The following ZNF451 variants were observed in gnomAD, a reference collection of about 807,000 sequenced individuals.
The protein encoded by ZNF451 is zinc finger protein 451, also known as E3 SUMO-protein ligase ZNF451.
In ZNF451, 80 loss-of-function variants were observed where a neutral mutation model predicts 107.1. The ratio of observed to expected loss-of-function variants is 0.75; its 90% confidence interval spans 0.62 to 0.90. The LOEUF is 0.90. Among genes scored for constraint, ZNF451 ranks in the 40% least tolerant of loss-of-function variants. The pLI, the probability that ZNF451 is intolerant of heterozygous loss-of-function variation, is 0.00. For missense variants in ZNF451, 1,107 were observed against 1,236.2 expected (o/e 0.90, Z 1.57); for synonymous variants, 362 against 406.5 (o/e 0.89, Z 1.32).
In ZNF451 at chr6:57,148,657, A is replaced by G; in HGVS notation, c.2572A>G (p.Lys858Glu). Residue 858 changes from lysine to glutamate, a missense_variant, in exon 10 of 15, where the codon AAA becomes GAA. By Grantham distance (56) the Lys-to-Glu change is moderately conservative (BLOSUM62 1). Around this residue, in one of 5 missense-constraint regions of ZNF451, gnomAD observed 608 missense variants for 649.2 expected, o/e 0.94. Coordinates refer to ENST00000370706, the MANE Select transcript of ZNF451 (RefSeq NM_001031623.3). ...INYSKSLDMEKGVENDLSYQN... is the reference protein window; with the variant it reads ...INYSKSLDMEEGVENDLSYQN... ...CTATTCAAAAAGTTTAGACATGGAG[A>G]AAGGAGTTGAGAATGACCTAAGCTA... 1 of 1,613,062 alleles carries G rather than the reference A, an allele frequency of 6.2e-7. No individual in the cohort carries two copies. The highest frequency in any genetic ancestry group is 8.5e-7 in the Non-Finnish European group (1 of 1,179,574).
At chr6:57,102,253 A>G (rs1829642223) in intron 3 of ZNF451, 1 of 1,375,690 alleles carries the variant, frequency 7.3e-7, no homozygotes, top group South Asian at 2.0e-5. Context: ...AGACTTTTGA[A>G]ATGAAGTATA....
At chr6:57,160,963 G>C (rs946319073) in intron 13 of ZNF451, 121 bp from the exon 14 acceptor site, 2 of 533,402 alleles carry the variant, frequency 3.7e-6, no homozygotes, top group African/African-American at 3.9e-5. Flanking sequence ...TGGGAAAGTA[G>C]TGTAACACTA....
intron 14 of ZNF451, among the ~76,000 whole-genome samples, chr6:57,162,176 G>A (rs536598408): frequency 2.0e-5 from 3 of 152,320 alleles, no homozygotes; most frequent in East Asian, 3.9e-4. Flanking sequence ...AATGTTTATT[G>A]TTGGAGATTA....
chr6:57,163,062 TCA>T, intron 14 of ZNF451, among the ~76,000 whole-genome samples: 1 of 152,188 alleles, frequency 6.6e-6, no homozygotes. Context: ...ATATGGTGGT[TCA>T]CTTAAGTTAA....
chr6:57,141,065 TTAC>T (rs1831731966), intron 7 of ZNF451, among the ~76,000 whole-genome samples: 1 of 152,224 alleles, frequency 6.6e-6, no homozygotes. Context: ...TCTATATTTG[TTAC>T]TACAACAGAT....
rs1181954081 is a variant in ZNF451 at position 57,100,952 on chromosome 6, G to A, written c.186+1811G>A. 1.1e-5 allele frequency: 17 copies of A among 1,550,846 alleles called. No homozygotes were observed. The African/African-American group carries it at 1.6e-4, about 15-fold the overall frequency. ...TCTTCTTCAGCTTCACAGCATGGAC[G>A]GGATGCCATCCTCTATCTCCAGACA... On this transcript the variant is annotated intron_variant, in intron 3 of 14. Coordinates refer to ENST00000370706, the MANE Select transcript of ZNF451 (RefSeq NM_001031623.3).
At chr6:57,118,881 G>A (rs899878050) in intron 3 of ZNF451, among the ~76,000 whole-genome samples, 1 of 152,166 alleles carries the variant, frequency 6.6e-6, no homozygotes, top group Non-Finnish European at 1.5e-5. Flanking sequence ...GCATTGCCCT[G>A]TAACTTGTAA....
intron 3 of ZNF451, chr6:57,107,116 T>G: frequency 1.0e-6 from 1 of 985,422 alleles, no homozygotes; most frequent in Non-Finnish European, 1.2e-6. Flanking sequence ...AAATTTTGTT[T>G]GCTTCCTGTG....
chr6:57,152,078 T>C, intron 11 of ZNF451, 143 bp from the exon 12 acceptor site: 1 of 626,634 alleles, frequency 1.6e-6, no homozygotes, highest in Non-Finnish European at 2.6e-6. Context: ...TTGATGCTTA[T>C]GCTAGGATGG....
intron 3 of ZNF451, among the ~76,000 whole-genome samples, chr6:57,113,964 T>G (rs1214010076): frequency 6.6e-6 from 1 of 152,238 alleles, no homozygotes. Context: ...CAGTTCTGTC[T>G]GGCATTTAGC....
At chr6:57,152,110 A>T in intron 11 of ZNF451, 111 bp from the exon 12 acceptor site, 1 of 924,964 alleles carries the variant, frequency 1.1e-6, no homozygotes. Flanking sequence ...ATTCTGATCT[A>T]GTACTTTGCC....
chr6:57,166,070 C>G (rs750298498), intron 14 of ZNF451, among the ~76,000 whole-genome samples: 9 of 151,978 alleles, frequency 5.9e-5, no homozygotes, highest in Admixed American at 3.9e-4. Context: ...CTCTGTTGCC[C>G]AGGCTGGAGT....
At chr6:57,154,126 C>A in intron 13 of ZNF451, 79 bp downstream of exon 13, 1 of 1,371,970 alleles carries the variant, frequency 7.3e-7, no homozygotes, top group Non-Finnish European at 1.0e-6. Flanking sequence ...AACTGCTGTC[C>A]GCTAGTGAAC....
Position 57,168,822 on chromosome 6 carries a change from G to A in ZNF451, c.*353G>A, listed in dbSNP as rs760847471. The A allele has an allele frequency of 5.0e-6, 1 of 201,278 alleles. No individual in the cohort carries two copies. Among genetic ancestry groups the A allele is most frequent in the Non-Finnish European group, 9.9e-6 (1 of 101,092 alleles). 12.5% of individuals were successfully genotyped at this position (201,278 alleles called of 1,614,324 possible). On this transcript the variant is annotated 3_prime_UTR_variant, in exon 15 of 15. Coordinates refer to ENST00000370706, the MANE Select transcript of ZNF451 (RefSeq NM_001031623.3). Reference sequence around the variant, plus strand: ...TAGCATTAGTTCTTTAATTTTATTTGTACTGTACAAATGATGCTAGTTTAT... The same window carrying A: ...TAGCATTAGTTCTTTAATTTTATTTATACTGTACAAATGATGCTAGTTTAT...
intron 13 of ZNF451, chr6:57,154,365 A>T: frequency 2.2e-6 from 1 of 445,094 alleles, no homozygotes; most frequent in East Asian, 3.5e-5. Context: ...TCAGATCTTC[A>T]CTTTGTTTCT....
intron 3 of ZNF451, chr6:57,104,021 C>T (rs2127942558): frequency 1.0e-6 from 1 of 985,114 alleles, no homozygotes; most frequent in Non-Finnish European, 1.2e-6. Flanking sequence ...TAAACTTGAA[C>T]TAGTCTTAAT....
chr6:57,152,273 G>C lies in ZNF451; in HGVS notation c.2805G>C (p.Leu935=). The change falls in exon 12 of 15, where the codon CTG becomes CTC. Residue 935 remains leucine, a synonymous_variant. Transcript: ENST00000370706. ...TCAACTGTAAGATTTATAACTACCT[G>C]AACAGGATTGGATGCTTCTTCCTTC... is the stretch of plus-strand genomic sequence containing the variant. The part of the protein sequence containing the change: ...PPLNCKIYNY[L]NRIGCFFLHP... 1.1e-5 allele frequency: 17 copies of C among 1,613,934 alleles called. No homozygotes were observed. Among genetic ancestry groups the C allele is most frequent in the Non-Finnish European group, 1.4e-5 (17 of 1,179,942 alleles).
At chr6:57,156,805 T>C (rs1213402708) in intron 13 of ZNF451, among the ~76,000 whole-genome samples, 1 of 152,156 alleles carries the variant, frequency 6.6e-6, no homozygotes, top group African/African-American at 2.4e-5. Context: ...AATTTTTCCA[T>C]GGATTGGGGG....
At chr6:57,122,113 C>T (rs912418732) in intron 3 of ZNF451, among the ~76,000 whole-genome samples, 33 of 151,966 alleles carry the variant, frequency 2.2e-4, no homozygotes, top group African/African-American at 7.7e-4. Flanking sequence ...TCAACAAAGT[C>T]GACAAAAATA....
Sources: allele counts gnomAD v4.1 joint callset (sites outside exome capture counted in the v4.1 genomes callset), GRCh38; gene constraint gnomAD v4.1.1; regional missense constraint gnomAD v4.1.1; transcripts MANE v1.5; gene names NCBI Gene and HGNC (gene_info 2026-07-23, HGNC 2026-07-21).